The following LYPLAL1 variants were observed in gnomAD, a reference collection of about 807,000 sequenced individuals.
LYPLAL1 encodes lysophospholipase like 1.
Under a neutral mutation model 19.7 loss-of-function variants are expected in LYPLAL1, and 23 were observed. The observed-to-expected ratio is 1.17, with a 90% CI of 0.84 to 1.65. The LOEUF (loss-of-function observed/expected upper bound fraction) is 1.65, where lower values mean the gene tolerates loss of function less well. Ranked by LOEUF, LYPLAL1 falls within the 40% of genes most tolerant of loss-of-function variation. LYPLAL1 has a pLI of 0.00. For synonymous variants in LYPLAL1, 119 were observed against 96.3 expected, an observed-to-expected ratio of 1.24 and a Z score of -1.38; for missense variants, 355 against 279.4, an observed-to-expected ratio of 1.27 and a Z score of -1.93.
chr1:219,360,738 A>G, the LYPLAL1 span, among the ~76,000 whole-genome samples: 2 of 152,166 alleles, frequency 1.3e-5, no homozygotes, highest in Non-Finnish European at 2.9e-5. Context: ...TAATAAAACC[A>G]GACCCCTGGA....
At chr1:219,394,402 G>C in the LYPLAL1 span, among the ~76,000 whole-genome samples, 17 of 152,134 alleles carry the variant, frequency 1.1e-4, no homozygotes, top group Admixed American at 1.1e-3. Flanking sequence ...GATTCACATG[G>C]TTATGCCGCT....
At chr1:219,273,125 A>G in the LYPLAL1 span, 1 of 152,326 alleles carries the variant, frequency 6.6e-6, no homozygotes, top group Non-Finnish European at 1.5e-5. Flanking sequence ...ATTTAATACC[A>G]TATGTTAAGA....
At chr1:219,410,035 G>A in the LYPLAL1 span, 1 of 151,976 alleles carries the variant, frequency 6.6e-6, no homozygotes, top group East Asian at 1.9e-4. Context: ...TTCTTAATTG[G>A]CCAATGTCCT....
chr1:219,393,475 G>A, the LYPLAL1 span, among the ~76,000 whole-genome samples: 1 of 152,116 alleles, frequency 6.6e-6, no homozygotes, highest in Non-Finnish European at 1.5e-5. Flanking sequence ...TGACTTTGGG[G>A]GTAGGAAGAC....
the LYPLAL1 span, among the ~76,000 whole-genome samples, chr1:219,325,337 C>T: frequency 5.3e-5 from 8 of 152,286 alleles, no homozygotes; most frequent in African/African-American, 1.7e-4. Flanking sequence ...CTTTCCCCTT[C>T]GCTACAACAT....
chr1:219,212,940 T>C (rs1659151758), downstream of LYPLAL1: 1 of 152,116 alleles, frequency 6.6e-6, no homozygotes, highest in South Asian at 2.1e-4. Flanking sequence ...ATTTTAGGCA[T>C]ACTTATAACC....
intron 2 of LYPLAL1, among the ~76,000 whole-genome samples, chr1:219,186,539 A>ATCTGTAT (rs3084103): frequency 6.6e-6 from 1 of 150,814 alleles, no homozygotes; most frequent in Non-Finnish European, 1.5e-5. Context: ...TGTCTTTTTT[A>ATCTGTAT]TGGCTACTTT....
the LYPLAL1 span, among the ~76,000 whole-genome samples, chr1:219,364,156 T>C: frequency 1.3e-5 from 2 of 152,288 alleles, no homozygotes; most frequent in East Asian, 3.9e-4. Flanking sequence ...CTGAATATGG[T>C]GCATGAAATA....
chr1:219,391,450 G>A, the LYPLAL1 span, among the ~76,000 whole-genome samples: 2 of 152,048 alleles, frequency 1.3e-5, no homozygotes, highest in African/African-American at 2.4e-5. Flanking sequence ...GTCTTTGGAG[G>A]CTGTTTGATT....
the LYPLAL1 span, among the ~76,000 whole-genome samples, chr1:219,278,753 G>A: frequency 6.6e-6 from 1 of 152,148 alleles, no homozygotes; most frequent in South Asian, 2.1e-4. Context: ...CTGCCATCTT[G>A]TCTACTTGCC....
the LYPLAL1 span, among the ~76,000 whole-genome samples, chr1:219,262,266 TA>T: frequency 1.3e-5 from 2 of 152,284 alleles, no homozygotes; most frequent in South Asian, 4.1e-4. Context: ...TATTATTTTT[TA>T]CATTTATTTA....
At chr1:219,223,380 G>C in the LYPLAL1 span, among the ~76,000 whole-genome samples, 1 of 152,106 alleles carries the variant, frequency 6.6e-6, no homozygotes, top group African/African-American at 2.4e-5. Flanking sequence ...CTCGAATCCT[G>C]TTATAATCCT....
chr1:219,406,588 A>G, the LYPLAL1 span, among the ~76,000 whole-genome samples: 19,707 of 152,196 alleles, frequency 0.13, 1,387 homozygotes, highest in African/African-American at 0.18. Flanking sequence ...ACATTCTGAT[A>G]TTTTTCTTAG....
chr1:219,197,778 C>A (rs1331472155), intron 3 of LYPLAL1, among the ~76,000 whole-genome samples: 1 of 152,094 alleles, frequency 6.6e-6, no homozygotes, highest in East Asian at 1.9e-4. Flanking sequence ...AACAAATTTA[C>A]AAGAAAAAGA....
the LYPLAL1 span, among the ~76,000 whole-genome samples, chr1:219,295,681 A>C: frequency 6.6e-6 from 1 of 152,104 alleles, no homozygotes; most frequent in African/African-American, 2.4e-5. Flanking sequence ...GAGCCTTTCT[A>C]CTAGTTTATT....
the LYPLAL1 span, among the ~76,000 whole-genome samples, chr1:219,334,526 GGTGTGT>G: frequency 0.032 from 4,730 of 147,216 alleles, 214 homozygotes; most frequent in African/African-American, 0.11. Context: ...AATGAAGAGG[GGTGTGT>G]GTGTGTGTGT....
At chr1:219,316,510 A>G in the LYPLAL1 span, among the ~76,000 whole-genome samples, 1 of 152,098 alleles carries the variant, frequency 6.6e-6, no homozygotes, top group South Asian at 2.1e-4. Context: ...TTTGAGAAGG[A>G]TTTATATTGA....
At chr1:219,176,011 C>G (rs1196866896) in intron 1 of LYPLAL1, among the ~76,000 whole-genome samples, 1 of 152,160 alleles carries the variant, frequency 6.6e-6, no homozygotes, top group African/African-American at 2.4e-5. Flanking sequence ...CATTCTTACT[C>G]TTCGAGGCTG....
chr1:219,265,796 G>T, the LYPLAL1 span, among the ~76,000 whole-genome samples: 1 of 152,048 alleles, frequency 6.6e-6, no homozygotes, highest in Non-Finnish European at 1.5e-5. Flanking sequence ...GTACAACATG[G>T]TATCGTACTG....
Sources: gnomAD v4.1 joint callset for allele counts (sites outside exome capture counted in the v4.1 genomes callset) on GRCh38, gnomAD v4.1.1 for gene constraint, MANE v1.5 for transcripts, NCBI Gene and HGNC (gene_info 2026-07-23, HGNC 2026-07-21) for gene names.